The following EIF2AK2 variants were observed in gnomAD, a reference collection of about 807,000 sequenced individuals.
EIF2AK2 encodes the protein eukaryotic translation initiation factor 2 alpha kinase 2, also known as interferon-induced, double-stranded RNA-activated protein kinase.
In EIF2AK2, 40 loss-of-function variants were observed where a neutral mutation model predicts 70.5. The ratio of observed to expected loss-of-function variants is 0.57; its 90% CI spans 0.44 to 0.74. EIF2AK2 has a LOEUF of 0.74. EIF2AK2 is among the 30% of genes least tolerant of loss of function. The probability of loss-of-function intolerance (pLI) is 0.00; values close to 1 mark genes in which losing one functional copy is unlikely to be tolerated. For missense variants in EIF2AK2, 555 were observed against 644.3 expected (o/e 0.86, Z 1.50); for synonymous variants, 198 against 220.9 (o/e 0.90, Z 0.92).
rs1300679893 is a variant in EIF2AK2, at chr2:37,103,665, T to G, written c.*3608A>C. 6.6e-6 allele frequency: 1 copy of G among 152,182 alleles called. No homozygotes were observed. The highest frequency in any genetic ancestry group is 2.4e-5 in the African/African-American group (1 of 41,442). 9.4% of individuals were successfully genotyped at this position (152,182 alleles called of 1,614,324 possible). ...AACATTTCCAAATCTACAGAAAAGTTCAAAGAATAATACAACAAACACCTG... is the reference window on the plus strand; with the variant it reads ...AACATTTCCAAATCTACAGAAAAGTGCAAAGAATAATACAACAAACACCTG... On this transcript the variant is annotated 3_prime_UTR_variant, in exon 17 of 17. Coordinates refer to ENST00000233057, the MANE Select transcript of EIF2AK2 (RefSeq NM_001135651.3).
At position 37,106,694 on chromosome 2, in the gene EIF2AK2, A is replaced by T; in HGVS notation, c.*579T>A. On this transcript the variant is annotated 3_prime_UTR_variant, in exon 17 of 17. Coordinates refer to ENST00000233057, the MANE Select transcript of EIF2AK2 (RefSeq NM_001135651.3). ...AAATTTAATAAATAGATATGAATTG[A>T]TTGATTCATTAATAGTATAAAAAGA... The T allele has an allele frequency of 6.6e-6, 1 of 151,920 alleles. No homozygotes were observed. 9.4% of individuals were successfully genotyped at this position (151,920 alleles called of 1,614,324 possible). A position where few individuals can be genotyped will look rare whatever the true frequency, so the allele number is the denominator to read the frequency against.
intron 14 of EIF2AK2, among the ~76,000 whole-genome samples, chr2:37,112,915 C>T (rs779237512): frequency 8.5e-5 from 13 of 152,244 alleles, no homozygotes; most frequent in Middle Eastern, 6.8e-3. Flanking sequence ...AAGAAGTTCC[C>T]ATTCCTCCCT....
intron 1 of EIF2AK2, among the ~76,000 whole-genome samples, chr2:37,150,927 A>G (rs1302413449): frequency 6.6e-6 from 1 of 152,186 alleles, no homozygotes; most frequent in Non-Finnish European, 1.5e-5. Context: ...GTCTATAGCA[A>G]TGATTTAAAT....
chr2:37,143,569 T>C (rs1675417477), intron 4 of EIF2AK2, among the ~76,000 whole-genome samples: 1 of 152,174 alleles, frequency 6.6e-6, no homozygotes, highest in Non-Finnish European at 1.5e-5. Context: ...TCTTGTATTA[T>C]TCCCTAAACA....
chr2:37,156,910 GCGCCGCCGCCGC>G lies in EIF2AK2; in HGVS notation c.-198_-187del, dbSNP rs564207041. On this transcript the variant is annotated 5_prime_UTR_variant, in exon 1 of 17. Coordinates refer to ENST00000233057, the MANE Select transcript of EIF2AK2 (RefSeq NM_001135651.3). Reference sequence around the variant, plus strand: ...CGGCTGCCCCCTGCCCTGCTCACCTGCGCCGCCGCCGCCGCCGCCGCCGCCGCCGGCCGGAGA... The same window carrying G: ...CGGCTGCCCCCTGCCCTGCTCACCTGCGCCGCCGCCGCCGCCGGCCGGAGA... 0.01 allele frequency: 1,846 copies of G among 182,814 alleles called. 32 individuals are homozygous for G. Among genetic ancestry groups the G allele is most frequent in the Admixed American group, 0.041 (649 of 15,830 alleles). The allele number at this position is 182,814 out of a possible 1,614,324, so 11.3% of individuals were successfully genotyped here. A position where few individuals can be genotyped will look rare whatever the true frequency, so the allele number is the denominator to read the frequency against.
At chr2:37,123,923 A>C (rs1330877584) in intron 11 of EIF2AK2, among the ~76,000 whole-genome samples, 1 of 152,204 alleles carries the variant, frequency 6.6e-6, no homozygotes, top group Non-Finnish European at 1.5e-5. Context: ...TGCAAAAATA[A>C]AAAAAATTAC....
intron 12 of EIF2AK2, among the ~76,000 whole-genome samples, chr2:37,120,864 T>A (rs898832732): frequency 4.1e-5 from 6 of 147,884 alleles, no homozygotes; most frequent in Non-Finnish European, 1.5e-5. Flanking sequence ...CTCGGGAGGA[T>A]GAGGCACGAG....
chr2:37,109,148 A>T, intron 15 of EIF2AK2, 46 bp downstream of exon 15: 1 of 1,562,486 alleles, frequency 6.4e-7, no homozygotes, highest in Non-Finnish European at 8.8e-7. Flanking sequence ...TGAAGGTGGT[A>T]GTCAGTAATT....
At chr2:37,132,724 T>G (rs1385712233) in intron 10 of EIF2AK2, among the ~76,000 whole-genome samples, 1 of 152,182 alleles carries the variant, frequency 6.6e-6, no homozygotes, top group Admixed American at 6.5e-5. Flanking sequence ...TTGAAAGCCA[T>G]TTTCCATCAA....
intron 10 of EIF2AK2, among the ~76,000 whole-genome samples, chr2:37,132,357 T>C (rs376880019): frequency 1.4e-4 from 21 of 152,256 alleles, no homozygotes; most frequent in Admixed American, 9.2e-4. Context: ...TTTGGGAGGC[T>C]GAGGCGGGCG....
chr2:37,117,649 G>A (rs1379895740), intron 13 of EIF2AK2, among the ~76,000 whole-genome samples: 2 of 152,180 alleles, frequency 1.3e-5, no homozygotes, highest in African/African-American at 2.4e-5. Flanking sequence ...TCACCTAGGA[G>A]GCACAGGAAC....
At chr2:37,145,742 CTTTTTTTTTTTTTTTTTTT>C (rs56051707) in intron 4 of EIF2AK2, among the ~76,000 whole-genome samples, 17 of 51,224 alleles carry the variant, frequency 3.3e-4, no homozygotes, top group Non-Finnish European at 4.3e-4. Flanking sequence ...TTTTGCTTGT[CTTTTTTTTTTTTTTTTTTT>C]TTTTTTTTTT....
At position 37,139,622 on chromosome 2, in the gene EIF2AK2, A is replaced by C; in HGVS notation, c.516+9T>G. The C allele has an allele frequency of 2.5e-6, 4 of 1,606,262 alleles. No homozygotes were observed. The highest frequency in any genetic ancestry group is 3.4e-6 in the Non-Finnish European group (4 of 1,178,216). On this transcript the variant is annotated intron_variant, in intron 6 of 16. Coordinates refer to ENST00000233057, the MANE Select transcript of EIF2AK2 (RefSeq NM_001135651.3). ...AAACATAAAAATTTAATCCAAAGGC[A>C]ATACGTACCACTGAGGTTTCTTCTG...
chr2:37,123,904 A>G (rs1674641802), intron 11 of EIF2AK2, among the ~76,000 whole-genome samples: 1 of 152,186 alleles, frequency 6.6e-6, no homozygotes, highest in African/African-American at 2.4e-5. Flanking sequence ...AAAGTATATG[A>G]CACAAATTTG....
At position 37,104,909 on chromosome 2, in the gene EIF2AK2, C is replaced by G. The variant is rs981937617; in HGVS notation, c.*2364G>C. On this transcript the variant is annotated 3_prime_UTR_variant, in exon 17 of 17. Transcript: ENST00000233057. ...CACCTTGGGTGATGCTAAATTGAATCACTTGGTTATTGTGGTGACCATTGT... is the reference window on the plus strand; with the variant it reads ...CACCTTGGGTGATGCTAAATTGAATGACTTGGTTATTGTGGTGACCATTGT... The G allele has an allele frequency of 1.3e-5, 2 of 152,190 alleles. No homozygotes were observed. Among genetic ancestry groups the G allele is most frequent in the Non-Finnish European group, 2.9e-5 (2 of 68,038 alleles). 9.4% of individuals were successfully genotyped at this position (152,190 alleles called of 1,614,324 possible). A position where few individuals can be genotyped will look rare whatever the true frequency, so the allele number is the denominator to read the frequency against.
In EIF2AK2 at chr2:37,138,574, G is replaced by T; in HGVS notation, c.528C>A (p.Tyr176Ter). ...LSEETSVKSD[Y>*]LSSGSFATTC... The stretch of plus-strand genomic sequence containing the variant: ...TAGTAGCAAAAGAACCAGAGGACAG[G>T]TAGTCAGATTTCTGAAAGAAAAAGT... The change falls in exon 7 of 17, where the codon TAC (tyrosine) becomes TAA (stop). Residue 176 changes from tyrosine (Y) to a stop codon, truncating the protein, a stop_gained. Transcript: ENST00000233057. LOFTEE classifies it high-confidence loss of function. 1 of 1,614,072 alleles carries T rather than the reference G, an allele frequency of 6.2e-7. No homozygotes were observed. The highest frequency in any genetic ancestry group is 8.5e-7 in the Non-Finnish European group (1 of 1,179,970).
chr2:37,115,816 C>T (rs1181608216), intron 13 of EIF2AK2, among the ~76,000 whole-genome samples: 1 of 152,084 alleles, frequency 6.6e-6, no homozygotes, highest in Non-Finnish European at 1.5e-5. Flanking sequence ...ACCAAGTTAA[C>T]TGGAAGCTAA....
rs1350555676 is a variant in EIF2AK2 at position 37,107,088 on chromosome 2, G to C, written c.*185C>G. On this transcript the variant is annotated 3_prime_UTR_variant, in exon 17 of 17. Coordinates refer to ENST00000233057, the MANE Select transcript of EIF2AK2 (RefSeq NM_001135651.3). ...GAGATGAGCCAGGAAAAAGTAAAAT[G>C]TAAGAATGTTTTTGAAGCAAAAAGA... is the stretch of plus-strand genomic sequence containing the variant. 7.0e-6 allele frequency: 5 copies of C among 718,202 alleles called. No homozygotes were observed. The highest frequency in any genetic ancestry group is 1.0e-5 in the Non-Finnish European group (5 of 493,522). 44.5% of individuals were successfully genotyped at this position (718,202 alleles called of 1,614,324 possible).
chr2:37,131,162 AC>A (rs1009858240), intron 10 of EIF2AK2, among the ~76,000 whole-genome samples: 1 of 152,050 alleles, frequency 6.6e-6, no homozygotes, highest in Non-Finnish European at 1.5e-5. Context: ...ACTCACTCCT[AC>A]CCCAGACCTT....
Sources: allele counts gnomAD v4.1 joint callset (sites outside exome capture counted in the v4.1 genomes callset), GRCh38; gene constraint gnomAD v4.1.1; transcripts MANE v1.5; gene names NCBI Gene and HGNC (gene_info 2026-07-23, HGNC 2026-07-21).